Variants in RABGAP1L observed in about 807,000 individuals in gnomAD.
RABGAP1L encodes the protein RAB GTPase activating protein 1 like, also known as rab GTPase-activating protein 1-like.
Under a neutral mutation model 137.7 loss-of-function variants are expected in RABGAP1L, and 63 were observed. The observed-to-expected ratio is 0.46, with a 90% CI of 0.37 to 0.56. The LOEUF (loss-of-function observed/expected upper bound fraction) is 0.56, where lower values mean the gene tolerates loss of function less well. Among genes scored for constraint, RABGAP1L ranks in the 20% least tolerant of loss-of-function variants. The pLI is 0.00. For missense variants in RABGAP1L, 1,095 were observed against 1,244.0 expected (o/e 0.88, Z 1.80); for synonymous variants, 431 against 433.7 (o/e 0.99, Z 0.08).
chr1:174,502,353 T>G (rs1025829055), intron 13 of RABGAP1L, among the ~76,000 whole-genome samples: 1 of 151,468 alleles, frequency 6.6e-6, no homozygotes. Flanking sequence ...CCACTGACAA[T>G]GAGGCACACC....
intron 14 of RABGAP1L, among the ~76,000 whole-genome samples, chr1:174,669,914 A>G (rs1677054841): frequency 6.6e-6 from 1 of 152,148 alleles, no homozygotes; most frequent in African/African-American, 2.4e-5. Context: ...AAGTCATGTG[A>G]TGCTTCCAGC....
chr1:174,573,000 A>G (rs1231638975), intron 13 of RABGAP1L, among the ~76,000 whole-genome samples: 2 of 150,382 alleles, frequency 1.3e-5, no homozygotes, highest in African/African-American at 5.0e-5. Context: ...TCCAGGGATT[A>G]ATCGACTTTG....
intron 13 of RABGAP1L, among the ~76,000 whole-genome samples, chr1:174,456,859 T>C (rs1395757588): frequency 6.6e-6 from 1 of 152,154 alleles, no homozygotes; most frequent in Non-Finnish European, 1.5e-5. Flanking sequence ...ATTTAAACAG[T>C]TTGTAGGATG....
chr1:174,311,818 G>C (rs1558122578), intron 11 of RABGAP1L, among the ~76,000 whole-genome samples: 2 of 152,148 alleles, frequency 1.3e-5, no homozygotes, highest in Admixed American at 6.5e-5. Flanking sequence ...TGTTGGCCAG[G>C]CTTGTCTCAA....
At chr1:174,214,141 A>G (rs914565129) in intron 1 of RABGAP1L, among the ~76,000 whole-genome samples, 1 of 152,252 alleles carries the variant, frequency 6.6e-6, no homozygotes, top group African/African-American at 2.4e-5. Flanking sequence ...AGATTTATTA[A>G]AGTTGCAGGA....
At chr1:174,734,737 C>A (rs1354325132) in intron 17 of RABGAP1L, among the ~76,000 whole-genome samples, 1 of 152,108 alleles carries the variant, frequency 6.6e-6, no homozygotes. Context: ...ATGAGTCAAC[C>A]AGAGCTGGAG....
intron 19 of RABGAP1L, among the ~76,000 whole-genome samples, chr1:174,856,398 A>C (rs775087728): frequency 1.6e-5 from 1 of 61,714 alleles, no homozygotes; most frequent in Non-Finnish European, 2.7e-5. Context: ...CCCTCTCAAT[A>C]AAAAAAAAAA....
rs191379223 is a variant in RABGAP1L at position 174,635,292 on chromosome 1, A to G, written c.1711-2083A>G. ...TTATCCTGCGGGCCAATAGGCACAT[A>G]TTTACCCCTGAAATATTTCAGCAAT... On this transcript the variant is annotated intron_variant, in intron 13 of 25. Transcript: ENST00000681986. Among the ~76,000 whole-genome samples, 66 of 152,234 alleles carry G rather than the reference A, an allele frequency of 4.3e-4. 1 individual carries two copies. The highest frequency in any genetic ancestry group is 1.9e-3 in the Admixed American group (29 of 15,304).
At chr1:174,340,196 A>G (rs1681850026) in intron 11 of RABGAP1L, among the ~76,000 whole-genome samples, 1 of 152,220 alleles carries the variant, frequency 6.6e-6, no homozygotes, top group African/African-American at 2.4e-5. Flanking sequence ...TTAAGTGAAC[A>G]TGTTTCTCTT....
intron 18 of RABGAP1L, among the ~76,000 whole-genome samples, chr1:174,805,728 C>G (rs527791541): frequency 6.6e-6 from 1 of 152,246 alleles, no homozygotes; most frequent in South Asian, 2.1e-4. Flanking sequence ...TTTTGAACAC[C>G]TGACCTCAAG....
intron 4 of RABGAP1L, 24 bp downstream of exon 4, chr1:174,231,379 T>C (rs771341675): frequency 1.3e-6 from 2 of 1,592,580 alleles, no homozygotes; most frequent in South Asian, 2.2e-5. Flanking sequence ...TGTTTTTCTT[T>C]AGACACATAT....
intron 14 of RABGAP1L, among the ~76,000 whole-genome samples, chr1:174,661,745 T>TG (rs1426734948): frequency 6.6e-6 from 1 of 152,294 alleles, no homozygotes; most frequent in East Asian, 1.9e-4. Context: ...CAGTCAACAA[T>TG]GGACTGCATT....
At chr1:174,215,415 C>T (rs1669214778) in intron 1 of RABGAP1L, among the ~76,000 whole-genome samples, 1 of 150,784 alleles carries the variant, frequency 6.6e-6, no homozygotes. Context: ...CAATGTTGCG[C>T]CATTATATTC....
intron 20 of RABGAP1L, chr1:174,957,831 G>A (rs1384360874): frequency 7.0e-7 from 1 of 1,438,438 alleles, no homozygotes; most frequent in East Asian, 2.3e-5. Context: ...TAACTGTCCA[G>A]GTATGTTTTC....
intron 1 of RABGAP1L, among the ~76,000 whole-genome samples, chr1:174,163,870 A>G (rs61288130): frequency 0.012 from 1,866 of 152,202 alleles, 48 homozygotes; most frequent in African/African-American, 0.043. Context: ...AGCAAGAACT[A>G]TGCATCCCTA....
At chr1:174,406,455 A>G (rs1400435320) in intron 13 of RABGAP1L, among the ~76,000 whole-genome samples, 1 of 152,146 alleles carries the variant, frequency 6.6e-6, no homozygotes, top group East Asian at 1.9e-4. Flanking sequence ...TTGAAGAAAG[A>G]TGTTAGAGGT....
intron 17 of RABGAP1L, among the ~76,000 whole-genome samples, chr1:174,750,135 CTT>C (rs1279351531): frequency 1.3e-5 from 2 of 152,174 alleles, no homozygotes; most frequent in Non-Finnish European, 2.9e-5. Context: ...TCCCAAAGTG[CTT>C]TTGGGATAAA....
At chr1:174,650,122 A>T (rs1675339631) in intron 14 of RABGAP1L, among the ~76,000 whole-genome samples, 2 of 152,140 alleles carry the variant, frequency 1.3e-5, no homozygotes, top group African/African-American at 4.8e-5. Context: ...TTCTGTTTAT[A>T]TGCTGGATTA....
In RABGAP1L at chr1:174,198,118, C is replaced by G. The variant is rs1213733121; in HGVS notation, c.-33-21007C>G. Among the ~76,000 whole-genome samples the G allele has an allele frequency of 2.6e-5, 4 of 152,240 alleles. No homozygotes were observed. In the East Asian group the frequency reaches 5.8e-4, roughly 22 times the overall value. Reference sequence around the variant, plus strand: ...CTTATTATGACTTAGAAACACTGTTCTAATTATAGTCTAATATATAGTGAT... The same window carrying G: ...CTTATTATGACTTAGAAACACTGTTGTAATTATAGTCTAATATATAGTGAT... On this transcript the variant is annotated intron_variant, in intron 1 of 25. Coordinates refer to ENST00000681986, the MANE Select transcript of RABGAP1L (RefSeq NM_001366446.1).
Sources: allele counts gnomAD v4.1 joint callset (sites outside exome capture counted in the v4.1 genomes callset), GRCh38; gene constraint gnomAD v4.1.1; transcripts MANE v1.5; gene names NCBI Gene and HGNC (gene_info 2026-07-23, HGNC 2026-07-21).